CYS1: variants seen among roughly 807,000 people sequenced by gnomAD.
The protein encoded by CYS1 is cystin 1, also known as cystin-1.
In CYS1, 5 loss-of-function variants were observed where a neutral mutation model predicts 9.6. The ratio of observed to expected loss-of-function variants is 0.52; its 90% confidence interval spans 0.27 to 1.10. The LOEUF is 1.10. Ranked by LOEUF, CYS1 falls within the 50% of genes least tolerant of loss-of-function variation. CYS1 has a pLI of 0.11. For synonymous variants in CYS1, 88 were observed against 95.7 expected, an observed-to-expected ratio of 0.92 and a Z score of 0.47; for missense variants, 221 against 207.9, an observed-to-expected ratio of 1.06 and a Z score of -0.39.
At chr2:10,065,866 C>G in intron 2 of CYS1, 38 bp downstream of exon 2, 5 of 1,611,100 alleles carry the variant, frequency 3.1e-6, no homozygotes, top group Non-Finnish European at 4.2e-6. Context: ...AAAAAGAACC[C>G]GTGGCTTCTG....
At chr2:10,065,138 G>A (rs1379867016) in intron 2 of CYS1, among the ~76,000 whole-genome samples, 5 of 152,136 alleles carry the variant, frequency 3.3e-5, no homozygotes, top group African/African-American at 1.2e-4. Context: ...CCTCAGACCC[G>A]GCCCCTGCAC....
At position 10,080,169 on chromosome 2, in the gene CYS1, C is replaced by T. The variant is rs1558363243; in HGVS notation, c.55G>A (p.Glu19Lys). Reference protein sequence around the residue: ...SRTLRRRRSPESLPAGPGAAA... With the variant: ...SRTLRRRRSPKSLPAGPGAAA... ...GCTCCGGGCCCCGCGGGGAGGCTCTCGGGGCTGCGCCGCCGCCTCAGAGTC... is the reference window on the plus strand; with the variant it reads ...GCTCCGGGCCCCGCGGGGAGGCTCTTGGGGCTGCGCCGCCGCCTCAGAGTC... Residue 19 changes from glutamate to lysine, a missense_variant, in exon 1 of 3, where the codon GAG (glutamate) becomes AAG (lysine). By Grantham distance (56) the Glu-to-Lys change is moderately conservative. Transcript: ENST00000381813. The surrounding 1 kb of genome is among the most constrained non-coding windows in gnomAD (Gnocchi z 6.4). 1.9e-6 allele frequency: 2 copies of T among 1,062,894 alleles called. No homozygotes were observed. Among genetic ancestry groups the T allele is most frequent in the Non-Finnish European group, 1.1e-6 (1 of 882,380 alleles). The allele number at this position is 1,062,894 out of a possible 1,614,324, so 65.8% of individuals were successfully genotyped here.
At position 10,077,108 on chromosome 2, in the gene CYS1, C is replaced by A. The variant is rs74402104; in HGVS notation, c.318+2798G>T. On this transcript the variant is annotated intron_variant, in intron 1 of 2. Coordinates refer to ENST00000381813, the MANE Select transcript of CYS1 (RefSeq NM_001037160.3). Reference sequence around the variant, plus strand: ...ACCTTTGATTCCTTTCTTTCTCACACATCCCAGTCACCCCACTAGTGAGTC... The same window carrying A: ...ACCTTTGATTCCTTTCTTTCTCACAAATCCCAGTCACCCCACTAGTGAGTC... 3.1e-3 allele frequency among the ~76,000 whole-genome samples: 469 copies of A among 152,242 alleles called. 3 individuals carry two copies. Among genetic ancestry groups the A allele is most frequent in the African/African-American group, 0.011 (450 of 41,516 alleles).
chr2:10,069,898 TCA>T (rs1348020535), intron 1 of CYS1, among the ~76,000 whole-genome samples: 2 of 152,094 alleles, frequency 1.3e-5, no homozygotes, highest in African/African-American at 4.8e-5. Context: ...TCCCAGGGGC[TCA>T]GTGTGTCCCC....
rs1006250887 is a variant in CYS1 at position 10,058,341 on chromosome 2, C to G, written c.*512G>C. The G allele has an allele frequency of 6.5e-6, 1 of 152,874 alleles. No homozygotes were observed. Among genetic ancestry groups the G allele is most frequent in the East Asian group, 1.9e-4 (1 of 5,196 alleles). The allele number at this position is 152,874 out of a possible 1,614,324, so 9.5% of individuals were successfully genotyped here. On this transcript the variant is annotated 3_prime_UTR_variant, in exon 3 of 3. Transcript: ENST00000381813. ...AGGCCCTGCAAGTCAACAGCACCCCCAGGCTGCTCATTAGGGAGTTAAAGT... is the reference window on the plus strand; with the variant it reads ...AGGCCCTGCAAGTCAACAGCACCCCGAGGCTGCTCATTAGGGAGTTAAAGT...
At position 10,058,823 on chromosome 2, in the gene CYS1, G is replaced by GA. The variant is rs1558355720; in HGVS notation, c.*29dup. The GA allele has an allele frequency of 1.3e-6, 2 of 1,529,450 alleles. No homozygotes were observed. Among genetic ancestry groups the GA allele is most frequent in the South Asian group, 2.4e-5 (2 of 83,426 alleles). The allele number at this position is 1,529,450 out of a possible 1,614,324, so 94.7% of individuals were successfully genotyped here. A position where few individuals can be genotyped will look rare whatever the true frequency, so the allele number is the denominator to read the frequency against. ...GGTGCCCCAGCCAGCAGGTGCCTCC[G>GA]AGGCCTGGCGGGGGTGGAGCATGCT... On this transcript the variant is annotated 3_prime_UTR_variant, in exon 3 of 3. Coordinates refer to ENST00000381813, the MANE Select transcript of CYS1 (RefSeq NM_001037160.3).
chr2:10,058,768 A>C lies in CYS1; in HGVS notation c.*85T>G, dbSNP rs755249656. ...AGTGACTGCGTTTTGGAGGTGGTTC[A>C]GCTCCTGCTAGAGCTCTGTGCAAGC... On this transcript the variant is annotated 3_prime_UTR_variant, in exon 3 of 3. Transcript: ENST00000381813. 2 of 1,215,194 alleles carry C rather than the reference A, an allele frequency of 1.6e-6. No individual in the cohort carries two copies. The highest frequency in any genetic ancestry group is 2.3e-6 in the Non-Finnish European group (2 of 875,708). The allele number at this position is 1,215,194 out of a possible 1,614,324, so 75.3% of individuals were successfully genotyped here.
chr2:10,078,285 C>T (rs62127553), intron 1 of CYS1, among the ~76,000 whole-genome samples: 11,867 of 152,176 alleles, frequency 0.078, 564 homozygotes, highest in Middle Eastern at 0.12. Flanking sequence ...CACCCACTCA[C>T]ACAGGTGGTC....
chr2:10,071,828 G>A (rs745649625), intron 1 of CYS1, among the ~76,000 whole-genome samples: 8 of 152,148 alleles, frequency 5.3e-5, no homozygotes, highest in Non-Finnish European at 7.4e-5. Flanking sequence ...GTGGGGAACC[G>A]GCAGCACCTG....
chr2:10,080,381 G>A lies in CYS1; in HGVS notation c.-158C>T. On this transcript the variant is annotated 5_prime_UTR_variant, in exon 1 of 3. Coordinates refer to ENST00000381813, the MANE Select transcript of CYS1 (RefSeq NM_001037160.3). This position sits in a 1 kb window ranked among gnomAD's most constrained non-coding sequence, Gnocchi z 6.4. ...GGCCAGGGGCTAGGGTTCCCGGGCG[G>A]GGGTCGCGGCCGGAGGACGGGGGTG... 3.5e-6 allele frequency: 1 copy of A among 286,014 alleles called. No individual in the cohort carries two copies. The highest frequency in any genetic ancestry group is 5.3e-6 in the Non-Finnish European group (1 of 188,410). 17.7% of individuals were successfully genotyped at this position (286,014 alleles called of 1,614,324 possible).
At chr2:10,066,308 G>A (rs1661693994) in intron 1 of CYS1, among the ~76,000 whole-genome samples, 1 of 152,068 alleles carries the variant, frequency 6.6e-6, no homozygotes, top group Non-Finnish European at 1.5e-5. Context: ...TCACCTCCAG[G>A]GATCTTGGGA....
chr2:10,070,356 C>CT (rs963738541), intron 1 of CYS1, among the ~76,000 whole-genome samples: 2 of 152,048 alleles, frequency 1.3e-5, no homozygotes, highest in African/African-American at 2.4e-5. Flanking sequence ...TTATTTTTCA[C>CT]TTTTTTTGAG....
chr2:10,065,814 A>G (rs1014906551), intron 2 of CYS1, 90 bp downstream of exon 2: 2 of 1,305,066 alleles, frequency 1.5e-6, no homozygotes, highest in Non-Finnish European at 2.2e-6. Flanking sequence ...GACCTGGAGG[A>G]AAGTGGGGGA....
Position 10,059,005 on chromosome 2 carries a change from G to A in CYS1, c.372-47C>T, listed in dbSNP as rs371413709. On this transcript the variant is annotated intron_variant, in intron 2 of 2. Transcript: ENST00000381813. The stretch of plus-strand genomic sequence containing the variant: ...GGGCTGTCAGGAGGCAGGATGGTGC[G>A]TTCACACTCATTTCCCCTGGCCACC... 2.7e-5 allele frequency: 41 copies of A among 1,501,966 alleles called. No homozygotes were observed. In the African/African-American group the frequency reaches 5.0e-4, roughly 18 times the overall value. 93.0% of individuals were successfully genotyped at this position (1,501,966 alleles called of 1,614,324 possible).
In CYS1 at chr2:10,058,608, C is replaced by A. The variant is rs965028281; in HGVS notation, c.*245G>T. On this transcript the variant is annotated 3_prime_UTR_variant, in exon 3 of 3. Transcript: ENST00000381813. ...CAGGCTCCCCGCGTTGGGGAGGAGG[C>A]GCCGGCGGCCCAGGCCCACGCACCT... 5 of 401,430 alleles carry A rather than the reference C, an allele frequency of 1.2e-5. No homozygotes were observed. The highest frequency in any genetic ancestry group is 2.3e-5 in the Non-Finnish European group (5 of 222,032). 24.9% of individuals were successfully genotyped at this position (401,430 alleles called of 1,614,324 possible).
chr2:10,061,005 T>A (rs1233886651), intron 2 of CYS1, among the ~76,000 whole-genome samples: 2 of 152,034 alleles, frequency 1.3e-5, no homozygotes, highest in African/African-American at 4.8e-5. Context: ...CCGAGGCAGG[T>A]GGATTGCTTT....
chr2:10,071,064 C>T (rs1227915118), intron 1 of CYS1, among the ~76,000 whole-genome samples: 1 of 152,204 alleles, frequency 6.6e-6, no homozygotes, highest in Non-Finnish European at 1.5e-5. Context: ...CTCCCAGGTT[C>T]AAGCGATTCT....
intron 1 of CYS1, among the ~76,000 whole-genome samples, chr2:10,075,553 T>C (rs1001563764): frequency 6.6e-6 from 1 of 152,236 alleles, no homozygotes; most frequent in African/African-American, 2.4e-5. Flanking sequence ...ACCCATCACC[T>C]TGACGTCCTT....
chr2:10,070,440 G>C (rs1277797610), intron 1 of CYS1, among the ~76,000 whole-genome samples: 1 of 152,010 alleles, frequency 6.6e-6, no homozygotes, highest in African/African-American at 2.4e-5. Flanking sequence ...CTGCCTCCAG[G>C]GTTCAAGTGA....
Sources: allele counts gnomAD v4.1 joint callset (sites outside exome capture counted in the v4.1 genomes callset), GRCh38; gene constraint gnomAD v4.1.1; non-coding constraint Gnocchi (gnomAD v3.1); transcripts MANE v1.5; gene names NCBI Gene and HGNC (gene_info 2026-07-23, HGNC 2026-07-21).